Variants in ZNF407 observed in about 807,000 individuals in gnomAD.
ZNF407 encodes the protein zinc finger protein 407.
In ZNF407, 17 loss-of-function variants were observed where a neutral mutation model predicts 131.2. That is an observed-to-expected ratio of 0.13 (90% CI 0.09 to 0.19). The LOEUF is 0.19. Among genes scored for constraint, ZNF407 ranks in the 10% least tolerant of loss-of-function variants. ZNF407 has a pLI of 1.00. For missense variants in ZNF407, 2,681 were observed against 2,830.6 expected (o/e 0.95, Z 1.20); for synonymous variants, 1,156 against 1,062.0 (o/e 1.09, Z -1.72).
intron 3 of ZNF407, among the ~76,000 whole-genome samples, chr18:74,742,162 TG>T (rs1327194853): frequency 3.3e-5 from 5 of 152,162 alleles, no homozygotes; most frequent in African/African-American, 1.2e-4. Context: ...AGAAGGAAGA[TG>T]GAAGACTTGA....
Position 74,632,301 on chromosome 18 carries a change from C to G in ZNF407, c.1282C>G (p.Arg428Gly). 6.2e-7 allele frequency: 1 copy of G among 1,613,938 alleles called. No homozygotes were observed. The highest frequency in any genetic ancestry group is 2.2e-5 in the East Asian group (1 of 44,884). ...RNILVLGNSF[R>G]RRSSTFTLKG... Reference sequence around the variant, plus strand: ...TATTCTCGTGTTGGGTAATAGCTTTCGTCGACGAAGCAGCACTTTCACCTT... The same window carrying G: ...TATTCTCGTGTTGGGTAATAGCTTTGGTCGACGAAGCAGCACTTTCACCTT... Residue 428 changes from arginine to glycine, a missense_variant, in exon 2 of 9, where the codon CGT (arginine) becomes GGT (glycine). Arg to Gly is a moderately radical substitution (Grantham distance 125, BLOSUM62 -2). Coordinates refer to ENST00000299687, the MANE Select transcript of ZNF407 (RefSeq NM_017757.3).
chr18:74,753,200 G>A (rs1005717969), intron 3 of ZNF407, among the ~76,000 whole-genome samples: 19 of 152,076 alleles, frequency 1.2e-4, no homozygotes, highest in Non-Finnish European at 1.9e-4. Context: ...TTATTGGTGC[G>A]TAGGAATGCT....
At chr18:74,899,240 A>T (rs1181667059) in intron 7 of ZNF407, among the ~76,000 whole-genome samples, 1 of 152,234 alleles carries the variant, frequency 6.6e-6, no homozygotes, top group African/African-American at 2.4e-5. Context: ...AGAGGGATCC[A>T]ACAGGAGACA....
Position 74,632,988 on chromosome 18 carries a change from G to T in ZNF407, c.1969G>T (p.Val657Phe). The T allele has an allele frequency of 1.2e-6, 2 of 1,613,398 alleles. No individual in the cohort carries two copies. Among genetic ancestry groups the T allele is most frequent in the Non-Finnish European group, 1.7e-6 (2 of 1,179,832 alleles). Reference protein sequence around the residue: ...KTLQSSNSDLVLQTLPLSTLE... With the variant: ...KTLQSSNSDLFLQTLPLSTLE... The stretch of plus-strand genomic sequence containing the variant: ...TTTGCAATCATCTAACAGTGATTTG[G>T]TTTTACAGACTTTACCTTTGAGTAC... Residue 657 changes from valine to phenylalanine, a missense_variant, in exon 2 of 9, where the codon GTT becomes TTT. This residue lies in a region of ZNF407 where 1,789 missense variants were observed against 1,748.7 expected (regional missense o/e 1.02). Coordinates refer to ENST00000299687, the MANE Select transcript of ZNF407 (RefSeq NM_017757.3).
At chr18:75,060,490 CT>C (rs1237220750) in intron 8 of ZNF407, among the ~76,000 whole-genome samples, 3 of 138,192 alleles carry the variant, frequency 2.2e-5, no homozygotes, top group Non-Finnish European at 3.1e-5. Context: ...CAGCTCTTTT[CT>C]TTTTTTTCTT....
At chr18:74,938,204 T>C (rs1396061346) in intron 8 of ZNF407, among the ~76,000 whole-genome samples, 1 of 152,204 alleles carries the variant, frequency 6.6e-6, no homozygotes, top group African/African-American at 2.4e-5. Context: ...ATCATAATTG[T>C]CTTGATATGT....
At chr18:74,727,607 A>T (rs1968189201) in intron 3 of ZNF407, among the ~76,000 whole-genome samples, 1 of 152,150 alleles carries the variant, frequency 6.6e-6, no homozygotes. Context: ...AACTGATTAA[A>T]CTTTGCATTT....
chr18:74,626,587 T>G (rs1422998072), intron 1 of ZNF407, among the ~76,000 whole-genome samples: 1 of 152,216 alleles, frequency 6.6e-6, no homozygotes, highest in African/African-American at 2.4e-5. Context: ...AGTACATATT[T>G]GTTGAACTAA....
At chr18:74,776,058 C>G (rs1164855343) in intron 3 of ZNF407, among the ~76,000 whole-genome samples, 39 of 152,158 alleles carry the variant, frequency 2.6e-4, no homozygotes, top group Admixed American at 2.6e-3. Context: ...CAGAATCAAA[C>G]CATATCAATA....
intron 3 of ZNF407, among the ~76,000 whole-genome samples, chr18:74,735,854 A>G (rs1415686746): frequency 1.3e-5 from 2 of 152,216 alleles, no homozygotes; most frequent in African/African-American, 2.4e-5. Context: ...CAATAACAGA[A>G]AAGCTGTTGT....
intron 4 of ZNF407, among the ~76,000 whole-genome samples, chr18:74,852,215 ACGCGCGCGCGC>A (rs1970799216): frequency 6.6e-6 from 1 of 151,634 alleles, no homozygotes; most frequent in Non-Finnish European, 1.5e-5. Flanking sequence ...ACGCACGCGC[ACGCGCGCGCGC>A]ATTGCTGGCT....
chr18:74,755,774 TCTCTCTCTCTTTCC>T (rs1568199905), intron 3 of ZNF407, among the ~76,000 whole-genome samples: 4 of 105,784 alleles, frequency 3.8e-5, no homozygotes, highest in African/African-American at 1.1e-4. Flanking sequence ...TCTTTCTTTC[TCTCTCTCTCTTTCC>T]TTCCTTCTTT....
chr18:74,634,831 C>T lies in ZNF407; in HGVS notation c.3812C>T (p.Thr1271Ile). ...ESPVLVVTRI[T>I]REQGNLESGG... ...CCTGTGCTCGTTGTGACAAGAATAA[C>T]CAGAGAACAGGGAAATCTGGAGAGC... is the stretch of plus-strand genomic sequence containing the variant. Residue 1271 changes from threonine (T) to isoleucine (I), a missense_variant, in exon 2 of 9, where the codon ACC becomes ATC. Physicochemically the swap from Thr to Ile is moderately conservative, Grantham distance 89. Transcript: ENST00000299687. The T allele has an allele frequency of 3.1e-6, 5 of 1,613,886 alleles. No individual in the cohort carries two copies. Among genetic ancestry groups the T allele is most frequent in the Non-Finnish European group, 4.2e-6 (5 of 1,179,852 alleles).
chr18:74,947,675 C>T lies in ZNF407; in HGVS notation c.5428+26983C>T, dbSNP rs147751352. The stretch of plus-strand genomic sequence containing the variant: ...GGTACCAGTGCTGTCATCCTGGCAA[C>T]GGTGCCAAGATCAGAGTCAGCCTCA... On this transcript the variant is annotated intron_variant, in intron 8 of 8. Coordinates refer to ENST00000299687, the MANE Select transcript of ZNF407 (RefSeq NM_017757.3). 1.5e-3 allele frequency among the ~76,000 whole-genome samples: 233 copies of T among 151,980 alleles called. 2 individuals are homozygous for T. The highest frequency in any genetic ancestry group is 5.2e-3 in the African/African-American group (215 of 41,292).
chr18:74,940,502 C>G (rs543137521), intron 8 of ZNF407, among the ~76,000 whole-genome samples: 9 of 152,208 alleles, frequency 5.9e-5, no homozygotes, highest in African/African-American at 2.2e-4. Context: ...CCAGAGGAAG[C>G]TGATGCGCTC....
intron 8 of ZNF407, among the ~76,000 whole-genome samples, chr18:74,932,557 A>G (rs1369732582): frequency 6.6e-6 from 1 of 152,180 alleles, no homozygotes; most frequent in Admixed American, 6.5e-5. Flanking sequence ...GTCCTGAATG[A>G]CTTTTGACTT....
At chr18:74,902,153 T>C (rs1205528736) in intron 7 of ZNF407, among the ~76,000 whole-genome samples, 1 of 152,244 alleles carries the variant, frequency 6.6e-6, no homozygotes, top group Non-Finnish European at 1.5e-5. Context: ...TCATCTATCA[T>C]GGACGATACA....
intron 8 of ZNF407, among the ~76,000 whole-genome samples, chr18:74,978,566 G>GCAGAT (rs1396157049): frequency 2.0e-5 from 3 of 151,920 alleles, no homozygotes; most frequent in Admixed American, 2.0e-4. Context: ...AAGACGGGTT[G>GCAGAT]CAGATGACTT....
At position 74,634,940 on chromosome 18, in the gene ZNF407, A is replaced by C; in HGVS notation, c.3921A>C (p.Glu1307Asp). Residue 1307 changes from glutamate (E) to aspartate (D), a missense_variant, in exon 2 of 9, where the codon GAA becomes GAC. Coordinates refer to ENST00000299687, the MANE Select transcript of ZNF407 (RefSeq NM_017757.3). The part of the protein sequence containing the change: ...VQEDPVLGNK[E>D]ILMNSQHETE... ...AAGATCCCGTTCTGGGGAATAAGGAAATTCTGATGAATTCACAACATGAAA... is the reference window on the plus strand; with the variant it reads ...AAGATCCCGTTCTGGGGAATAAGGACATTCTGATGAATTCACAACATGAAA... 1 of 1,614,000 alleles carries C rather than the reference A, an allele frequency of 6.2e-7. No individual in the cohort carries two copies. The highest frequency in any genetic ancestry group is 8.5e-7 in the Non-Finnish European group (1 of 1,179,892).
Sources: gnomAD v4.1 joint callset for allele counts (sites outside exome capture counted in the v4.1 genomes callset) on GRCh38, gnomAD v4.1.1 for gene constraint, gnomAD v4.1.1 regional missense constraint, MANE v1.5 for transcripts, NCBI Gene and HGNC (gene_info 2026-07-23, HGNC 2026-07-21) for gene names.